The following LPAR6 variants were observed in gnomAD, a reference collection of about 807,000 sequenced individuals.
LPAR6 encodes the protein lysophosphatidic acid receptor 6, also known as G-protein coupled purinergic receptor P2Y5.
In LPAR6, 17 loss-of-function variants were observed where a neutral mutation model predicts 22.0. That is an observed-to-expected ratio of 0.77 (90% CI 0.53 to 1.16). The LOEUF (loss-of-function observed/expected upper bound fraction) is 1.16. Among genes scored for constraint, LPAR6 ranks in the 50% most tolerant of loss-of-function variants. LPAR6 has a pLI of 0.00. For missense variants in LPAR6, 384 were observed against 406.9 expected, an observed-to-expected ratio of 0.94 and a Z score of 0.48; for synonymous variants, 136 against 139.8, an observed-to-expected ratio of 0.97 and a Z score of 0.19.
In LPAR6 at chr13:48,412,542, A is replaced by G; in HGVS notation, c.-119T>C. The G allele has an allele frequency of 1.3e-6, 1 of 752,670 alleles. No homozygotes were observed. Among genetic ancestry groups the G allele is most frequent in the Non-Finnish European group, 2.4e-6 (1 of 414,504 alleles). The allele number at this position is 752,670 out of a possible 1,614,324, so 46.6% of individuals were successfully genotyped here. ...ATTTGCAAATTATCTGGATCTTTGG[A>G]TGGTTTTATAAATATTTCCTTTTTC... On this transcript the variant is annotated 5_prime_UTR_variant, in exon 1 of 1. Transcript: ENST00000620633.
At chr13:48,423,225 C>T (rs1218927576) in intron 1 of LPAR6, among the ~76,000 whole-genome samples, 1 of 152,082 alleles carries the variant, frequency 6.6e-6, no homozygotes, top group African/African-American at 2.4e-5. Flanking sequence ...GATTCTGATT[C>T]TTTGAATACT....
rs1370718071 is a variant in LPAR6, at chr13:48,411,474, G to A, written c.950C>T (p.Ser317Phe). 3.1e-6 allele frequency: 5 copies of A among 1,613,020 alleles called. No homozygotes were observed. The highest frequency in any genetic ancestry group is 1.3e-5 in the African/African-American group (1 of 74,850). Residue 317 changes from serine to phenylalanine, a missense_variant, in exon 1 of 1, where the codon TCT becomes TTT. Ser to Phe is a radical substitution (Grantham distance 155, BLOSUM62 -2). Coordinates refer to ENST00000620633, the MANE Select transcript of LPAR6 (RefSeq NM_001162498.3). ...AAAATTCTCTGCACCATGAACTTCAGAGAATCTGAAGTCACTTCTCCTGAC... is the reference window on the plus strand; with the variant it reads ...AAAATTCTCTGCACCATGAACTTCAAAGAATCTGAAGTCACTTCTCCTGAC... Reference protein sequence around the residue: ...WSVRRSDFRFSEVHGAENFIQ... With the variant: ...WSVRRSDFRFFEVHGAENFIQ...
chr13:48,436,634 A>G (rs1566226507), intron 1 of LPAR6, among the ~76,000 whole-genome samples: 1 of 143,896 alleles, frequency 6.9e-6, no homozygotes, highest in Admixed American at 6.9e-5. Context: ...CAAGAGCAAG[A>G]CTCTCTCTTA....
chr13:48,410,711 A>C (rs1000954526), downstream of LPAR6, among the ~76,000 whole-genome samples: 1 of 152,128 alleles, frequency 6.6e-6, no homozygotes, highest in South Asian at 2.1e-4. Flanking sequence ...AATTGGGTGC[A>C]TTATATACAG....
chr13:48,411,317 T>C lies in LPAR6; in HGVS notation c.*72A>G. ...TTCTTTTGGAGGTGGAAAAATAGTT[T>C]GTCCAAAAAGACACTTTTCACAGTT... On this transcript the variant is annotated 3_prime_UTR_variant, in exon 1 of 1. Transcript: ENST00000620633. 1.6e-6 allele frequency: 2 copies of C among 1,231,458 alleles called. No homozygotes were observed. Among genetic ancestry groups the C allele is most frequent in the Admixed American group, 3.4e-5 (2 of 58,290 alleles). The allele number at this position is 1,231,458 out of a possible 1,614,324, so 76.3% of individuals were successfully genotyped here.
rs143449225 is a variant in LPAR6 at position 48,424,146 on chromosome 13, C to T, written c.-1094-1356G>A. On this transcript the variant is annotated intron_variant, in intron 1 of 4. Coordinates refer to the LPAR6 transcript ENST00000345941. Reference sequence around the variant, plus strand: ...TATTTAGGTATAGAAACAAATAAACCTTTTTCAATTTGAGAAATGAACATT... The same window carrying T: ...TATTTAGGTATAGAAACAAATAAACTTTTTTCAATTTGAGAAATGAACATT... 395 of 152,434 alleles carry T rather than the reference C, an allele frequency of 2.6e-3. 1 individual carries two copies. Among genetic ancestry groups the T allele is most frequent in the African/African-American group, 9.1e-3 (376 of 41,448 alleles). The allele number at this position is 152,434 out of a possible 1,614,324, so 9.4% of individuals were successfully genotyped here. A position where few individuals can be genotyped will look rare whatever the true frequency, so the allele number is the denominator to read the frequency against.
intron 2 of LPAR6, among the ~76,000 whole-genome samples, chr13:48,420,067 C>A (rs1428876169): frequency 1.3e-5 from 2 of 152,178 alleles, no homozygotes; most frequent in Non-Finnish European, 2.9e-5. Context: ...ATACCATAAC[C>A]TGCCAGAGAC....
upstream of LPAR6, chr13:48,417,377 A>G (rs1948929860): frequency 6.6e-6 from 1 of 152,260 alleles, no homozygotes; most frequent in Non-Finnish European, 1.5e-5. Context: ...AATGAATAGC[A>G]TCAATATCAA....
Position 48,411,192 on chromosome 13 carries a change from T to C in LPAR6, c.*197A>G, listed in dbSNP as rs1257318843. On this transcript the variant is annotated 3_prime_UTR_variant, in exon 1 of 1. Transcript: ENST00000620633. The stretch of plus-strand genomic sequence containing the variant: ...AACAAATCAAAATGGCTCAGAAAAA[T>C]CAGATGGAGTGGATACACAAATAAA... The C allele has an allele frequency of 4.1e-6, 2 of 489,862 alleles. No individual in the cohort carries two copies. 30.3% of individuals were successfully genotyped at this position (489,862 alleles called of 1,614,324 possible).
chr13:48,439,993 T>C (rs1251135055), intron 1 of LPAR6, among the ~76,000 whole-genome samples: 1 of 152,150 alleles, frequency 6.6e-6, no homozygotes, highest in African/African-American at 2.4e-5. Flanking sequence ...AGTCTAAATA[T>C]TTTTATATGT....
chr13:48,389,603 A>AT (rs976477421), exon 2 of LPAR6: 1 of 152,086 alleles, frequency 6.6e-6, no homozygotes, highest in Non-Finnish European at 1.5e-5. Context: ...TTTGCTTATG[A>AT]TTTTTTGGGT....
At chr13:48,415,313 T>A (rs2138216834), upstream of LPAR6, among the ~76,000 whole-genome samples, 1 of 151,822 alleles carries the variant, frequency 6.6e-6, no homozygotes. Flanking sequence ...TTTTTCTCAC[T>A]CTGCCGCCCA....
intron 1 of LPAR6, among the ~76,000 whole-genome samples, chr13:48,431,952 G>A (rs139987557): frequency 9.2e-5 from 14 of 152,010 alleles, no homozygotes; most frequent in African/African-American, 2.7e-4. Context: ...GCTTTTCTAG[G>A]TGCTGGGAAT....
At chr13:48,398,005 G>T (rs867560253) in intron 1 of LPAR6, among the ~76,000 whole-genome samples, 1 of 152,142 alleles carries the variant, frequency 6.6e-6, no homozygotes, top group Non-Finnish European at 1.5e-5. Flanking sequence ...TACAACTCAG[G>T]AAGGCAAGTG....
chr13:48,395,440 G>A (rs1948640547), intron 1 of LPAR6, among the ~76,000 whole-genome samples: 1 of 152,028 alleles, frequency 6.6e-6, no homozygotes, highest in Non-Finnish European at 1.5e-5. Flanking sequence ...CCGAGCTAAA[G>A]GACCATGTTC....
downstream of LPAR6, among the ~76,000 whole-genome samples, chr13:48,410,406 C>A (rs1948783021): frequency 6.6e-6 from 1 of 152,038 alleles, no homozygotes; most frequent in African/African-American, 2.4e-5. Flanking sequence ...ATAGTGTATA[C>A]CTTCTAGAGT....
At chr13:48,402,296 A>G (rs1948698867) in intron 1 of LPAR6, among the ~76,000 whole-genome samples, 1 of 152,016 alleles carries the variant, frequency 6.6e-6, no homozygotes, top group African/African-American at 2.4e-5. Context: ...CTGAAAATAA[A>G]CGTTTGCACA....
intron 1 of LPAR6, among the ~76,000 whole-genome samples, chr13:48,425,138 TGA>T (rs1163175298): frequency 6.6e-6 from 1 of 152,174 alleles, no homozygotes; most frequent in Non-Finnish European, 1.5e-5. Context: ...CACATAGACA[TGA>T]GAATCTACGA....
At chr13:48,418,351 A>G (rs911256086) in intron 2 of LPAR6, among the ~76,000 whole-genome samples, 27 of 152,214 alleles carry the variant, frequency 1.8e-4, no homozygotes, top group African/African-American at 6.5e-4. Flanking sequence ...TGTCACCACC[A>G]GGCCTGCATT....
Sources: allele counts gnomAD v4.1 joint callset (sites outside exome capture counted in the v4.1 genomes callset), GRCh38; gene constraint gnomAD v4.1.1; transcripts MANE v1.5; gene names NCBI Gene and HGNC (gene_info 2026-07-23, HGNC 2026-07-21).